The following WWOX variants were observed in gnomAD, a reference collection of about 807,000 sequenced individuals.
WWOX encodes the protein WW domain-containing oxidoreductase.
In WWOX, 69 loss-of-function variants were observed where a neutral mutation model predicts 46.2. The observed-to-expected ratio is 1.49, with a 90% CI of 1.23 to 1.82. The LOEUF is 1.82. WWOX is among the 40% of genes most tolerant of loss of function. The pLI, the probability that WWOX is intolerant of heterozygous loss-of-function variation, is 0.00. For missense variants in WWOX, 919 were observed against 542.6 expected (o/e 1.69, Z -6.89); for synonymous variants, 359 against 202.6 (o/e 1.77, Z -6.56).
At chr16:78,484,299 G>C (rs1384490116) in intron 8 of WWOX, among the ~76,000 whole-genome samples, 2 of 152,058 alleles carry the variant, frequency 1.3e-5, no homozygotes, top group Admixed American at 1.3e-4. Flanking sequence ...TGAAATTGTA[G>C]ATTATTTTCA....
At chr16:78,817,600 C>T (rs928775167) in intron 8 of WWOX, among the ~76,000 whole-genome samples, 60 of 152,328 alleles carry the variant, frequency 3.9e-4, no homozygotes, top group African/African-American at 1.4e-3. Context: ...GGAGCCAGCA[C>T]TAATTATGTC....
At chr16:78,871,650 A>T (rs1012891328) in intron 8 of WWOX, among the ~76,000 whole-genome samples, 1 of 152,226 alleles carries the variant, frequency 6.6e-6, no homozygotes, top group Non-Finnish European at 1.5e-5. Context: ...CTCAGGCTGG[A>T]GTGCAGTAGT....
intron 8 of WWOX, among the ~76,000 whole-genome samples, chr16:78,595,262 C>A (rs1261360462): frequency 6.6e-6 from 1 of 151,436 alleles, no homozygotes; most frequent in South Asian, 2.1e-4. Context: ...AGGGAAGTGG[C>A]AATGGCAGGA....
intron 5 of WWOX, among the ~76,000 whole-genome samples, chr16:78,301,473 A>G (rs1319381516): frequency 6.6e-6 from 1 of 151,908 alleles, no homozygotes; most frequent in Admixed American, 6.6e-5. Context: ...ATTTTGTTGT[A>G]CCTTTATGAA....
At position 78,893,050 on chromosome 16, in the gene WWOX, C is replaced by T. The variant is rs190462830; in HGVS notation, c.1057-318558C>T. Among the ~76,000 whole-genome samples, 11 of 152,216 alleles carry T rather than the reference C, an allele frequency of 7.2e-5. No homozygotes were observed. The East Asian group carries it at 1.9e-3, about 27-fold the overall frequency. On this transcript the variant is annotated intron_variant, in intron 8 of 8. Coordinates refer to ENST00000566780, the MANE Select transcript of WWOX (RefSeq NM_016373.4). ...CAGAGCAGGGGTCCTCAAAGCAGACCGTGAGGTCAGAGGAGCACTGGAGTC... is the reference window on the plus strand; with the variant it reads ...CAGAGCAGGGGTCCTCAAAGCAGACTGTGAGGTCAGAGGAGCACTGGAGTC...
intron 8 of WWOX, among the ~76,000 whole-genome samples, chr16:78,614,091 G>A (rs886268421): frequency 2.0e-5 from 3 of 152,160 alleles, no homozygotes; most frequent in South Asian, 2.1e-4. Flanking sequence ...TGTCACCCCT[G>A]GAGGTAGCAC....
chr16:78,264,403 A>T (rs556477708), intron 5 of WWOX: 13 of 152,076 alleles, frequency 8.5e-5, no homozygotes, highest in Admixed American at 8.5e-4. Flanking sequence ...TGCTTAAATT[A>T]TCCCCTCTTT....
chr16:78,286,960 T>C (rs2079777925), intron 5 of WWOX, among the ~76,000 whole-genome samples: 1 of 152,230 alleles, frequency 6.6e-6, no homozygotes, highest in Non-Finnish European at 1.5e-5. Context: ...AGAAAGTTCA[T>C]TTTATCTTAG....
chr16:78,601,408 C>T (rs973129037), intron 8 of WWOX, among the ~76,000 whole-genome samples: 6 of 149,030 alleles, frequency 4.0e-5, no homozygotes, highest in Non-Finnish European at 7.4e-5. Flanking sequence ...TGTTGCCTTC[C>T]TTGACTGGTG....
intron 8 of WWOX, among the ~76,000 whole-genome samples, chr16:78,596,120 G>A (rs895380061): frequency 6.6e-6 from 1 of 151,976 alleles, no homozygotes; most frequent in Non-Finnish European, 1.5e-5. Context: ...ATACATGGTA[G>A]GACTTATTTT....
chr16:78,267,505 A>G (rs2079391859), intron 5 of WWOX, among the ~76,000 whole-genome samples: 1 of 152,322 alleles, frequency 6.6e-6, no homozygotes, highest in African/African-American at 2.4e-5. Context: ...AAGGAAGGCC[A>G]TCTGATTGGA....
chr16:78,475,966 G>A (rs2151439843), intron 8 of WWOX, among the ~76,000 whole-genome samples: 1 of 152,284 alleles, frequency 6.6e-6, no homozygotes, highest in South Asian at 2.1e-4. Context: ...AGAAGAGTTT[G>A]GATTTGGACC....
chr16:78,099,981 C>A (rs1164819456), intron 1 of WWOX, 96 bp downstream of exon 1: 1 of 1,516,020 alleles, frequency 6.6e-7, no homozygotes, highest in Non-Finnish European at 8.8e-7. Flanking sequence ...CAGCGCAGCG[C>A]GTGCGGTGCA....
At chr16:78,811,988 A>T (rs1400696624) in intron 8 of WWOX, among the ~76,000 whole-genome samples, 4 of 152,130 alleles carry the variant, frequency 2.6e-5, no homozygotes, top group Non-Finnish European at 5.9e-5. Flanking sequence ...TACTTGATAA[A>T]CTATAGCTAT....
chr16:78,210,978 A>G (rs955958283), intron 5 of WWOX, among the ~76,000 whole-genome samples: 12 of 152,236 alleles, frequency 7.9e-5, no homozygotes, highest in Admixed American at 6.5e-4. Flanking sequence ...GGCTTTAACT[A>G]TGAAACAAAT....
chr16:79,065,535 A>C (rs1235828245), intron 8 of WWOX, among the ~76,000 whole-genome samples: 1 of 152,104 alleles, frequency 6.6e-6, no homozygotes, highest in East Asian at 1.9e-4. Flanking sequence ...CAAAATGCAA[A>C]AGTCTGAAAA....
At position 78,158,145 on chromosome 16, in the gene WWOX, G is replaced by A. The variant is rs1023227262; in HGVS notation, c.410-6038G>A. On this transcript the variant is annotated intron_variant, in intron 4 of 8. Coordinates refer to ENST00000566780, the MANE Select transcript of WWOX (RefSeq NM_016373.4). ...GAGAAGTATTCTGTATAAATAGACT[G>A]TTTTCTATGAAGATTAGGCCTGTGG... Among the ~76,000 whole-genome samples the A allele has an allele frequency of 2.0e-5, 3 of 152,288 alleles. No individual in the cohort carries two copies. The South Asian group carries it at 6.2e-4, about 32-fold the overall frequency.
chr16:78,209,794 G>T lies in WWOX; in HGVS notation c.516+45505G>T, dbSNP rs1238576423. On this transcript the variant is annotated intron_variant, in intron 5 of 8. Coordinates refer to ENST00000566780, the MANE Select transcript of WWOX (RefSeq NM_016373.4). The stretch of plus-strand genomic sequence containing the variant: ...TCATGTACAAATATAAATACTGTAT[G>T]TAGAATAAGTGTAATGGATCACATT... Among the ~76,000 whole-genome samples the T allele has an allele frequency of 2.6e-5, 4 of 151,670 alleles. 1 individual carries two copies. The highest frequency in any genetic ancestry group is 2.6e-4 in the Admixed American group (4 of 15,256).
At chr16:78,598,418 T>C (rs1185693232) in intron 8 of WWOX, among the ~76,000 whole-genome samples, 1 of 152,184 alleles carries the variant, frequency 6.6e-6, no homozygotes, top group African/African-American at 2.4e-5. Flanking sequence ...ATTTATAAGG[T>C]ATTATTAACT....
Sources: allele counts gnomAD v4.1 joint callset (sites outside exome capture counted in the v4.1 genomes callset), GRCh38; gene constraint gnomAD v4.1.1; transcripts MANE v1.5; gene names NCBI Gene and HGNC (gene_info 2026-07-23, HGNC 2026-07-21).